Variants in GALNT13 observed in about 807,000 individuals in gnomAD.
The protein encoded by GALNT13 is polypeptide N-acetylgalactosaminyltransferase 13.
A neutral mutation model predicts 64.2 loss-of-function variants in GALNT13; 28 were observed. That is an observed-to-expected ratio of 0.44 (90% confidence interval 0.32 to 0.60). GALNT13 has a LOEUF of 0.60. Ranked by LOEUF, GALNT13 falls within the 20% of genes least tolerant of loss-of-function variation. The pLI is 0.05. For synonymous variants in GALNT13, 214 were observed against 224.6 expected (o/e 0.95, Z 0.42); for missense variants, 577 against 669.8 (o/e 0.86, Z 1.53).
the GALNT13 span, among the ~76,000 whole-genome samples, chr2:153,705,137 C>T: frequency 0.066 from 10,045 of 151,982 alleles, 546 homozygotes; most frequent in African/African-American, 0.14. Context: ...GAAACTTGTA[C>T]CATATACATA....
At chr2:153,163,768 C>T in the GALNT13 span, among the ~76,000 whole-genome samples, 301 of 152,220 alleles carry the variant, frequency 2.0e-3, 2 homozygotes, top group African/African-American at 6.9e-3. Flanking sequence ...GCCTGTAATC[C>T]CAGCACTTTG....
chr2:153,249,496 T>G, the GALNT13 span, among the ~76,000 whole-genome samples: 1 of 152,158 alleles, frequency 6.6e-6, no homozygotes, highest in Non-Finnish European at 1.5e-5. Context: ...AAGTTACCAT[T>G]GACTTTCTTC....
At chr2:153,174,423 T>G in the GALNT13 span, among the ~76,000 whole-genome samples, 2 of 152,150 alleles carry the variant, frequency 1.3e-5, no homozygotes, top group South Asian at 2.1e-4. Flanking sequence ...GAGCAAACAG[T>G]TTTCCAGCAA....
the GALNT13 span, among the ~76,000 whole-genome samples, chr2:153,598,433 C>T: frequency 6.6e-6 from 1 of 152,008 alleles, no homozygotes; most frequent in East Asian, 1.9e-4. Context: ...CTTCAATTAT[C>T]ATCCTATCTA....
At chr2:153,295,364 T>C in the GALNT13 span, among the ~76,000 whole-genome samples, 6 of 152,246 alleles carry the variant, frequency 3.9e-5, no homozygotes, top group East Asian at 5.8e-4. Flanking sequence ...GCCTAAGAGA[T>C]GTTAAATCGT....
At chr2:153,263,267 C>T in the GALNT13 span, among the ~76,000 whole-genome samples, 1 of 151,986 alleles carries the variant, frequency 6.6e-6, no homozygotes, top group Admixed American at 6.6e-5. Flanking sequence ...TCAAGGAGAA[C>T]TACAAACCCT....
the GALNT13 span, among the ~76,000 whole-genome samples, chr2:153,789,625 T>A: frequency 6.6e-6 from 1 of 151,930 alleles, no homozygotes; most frequent in African/African-American, 2.4e-5. Context: ...CACAAAAGTG[T>A]ATTAAAAAAT....
At chr2:153,389,291 A>G in the GALNT13 span, among the ~76,000 whole-genome samples, 1 of 152,084 alleles carries the variant, frequency 6.6e-6, no homozygotes, top group South Asian at 2.1e-4. Flanking sequence ...TTGAATTTGA[A>G]TACGCTCATC....
the GALNT13 span, among the ~76,000 whole-genome samples, chr2:153,118,147 C>CACACACACACACACACACA: frequency 2.9e-4 from 41 of 140,262 alleles, no homozygotes; most frequent in African/African-American, 1.0e-3. Flanking sequence ...ACACACACAC[C>CACACACACACACACACACA]CCACATAAAC....
At chr2:153,977,357 A>G (rs574629765) in intron 3 of GALNT13, among the ~76,000 whole-genome samples, 2 of 152,302 alleles carry the variant, frequency 1.3e-5, no homozygotes, top group East Asian at 3.9e-4. Flanking sequence ...ATTGACTCAC[A>G]GTTCCTCAAG....
intron 8 of GALNT13, among the ~76,000 whole-genome samples, chr2:154,298,720 T>TG (rs1559076049): frequency 6.8e-5 from 6 of 88,074 alleles, no homozygotes; most frequent in African/African-American, 2.5e-4. Flanking sequence ...TATATATAAA[T>TG]TATATTATTT....
chr2:154,036,239 T>C (rs1174192823), intron 3 of GALNT13, among the ~76,000 whole-genome samples: 1 of 152,152 alleles, frequency 6.6e-6, no homozygotes, highest in Non-Finnish European at 1.5e-5. Flanking sequence ...TTTCAAATTA[T>C]ATTTGCTTCA....
chr2:154,220,637 C>G lies in GALNT13; in HGVS notation c.312-21393C>G, dbSNP rs75991019. On this transcript the variant is annotated intron_variant, in intron 4 of 12. Coordinates refer to ENST00000392825, the MANE Select transcript of GALNT13 (RefSeq NM_052917.4). ...GGATAGAAGCTGTTAAAATCTTGAT[C>G]TTGTACAAATTTTTTTTATCATGGG... 6.0e-3 allele frequency among the ~76,000 whole-genome samples: 912 copies of G among 152,074 alleles called. 11 individuals are homozygous for G. The highest frequency in any genetic ancestry group is 7.0e-3 in the Non-Finnish European group (473 of 67,924).
chr2:153,099,439 G>T, the GALNT13 span, among the ~76,000 whole-genome samples: 1 of 152,154 alleles, frequency 6.6e-6, no homozygotes, highest in Non-Finnish European at 1.5e-5. Flanking sequence ...TTATGGAAAA[G>T]TACAATATTG....
At chr2:154,388,575 A>T (rs1698625583) in intron 9 of GALNT13, among the ~76,000 whole-genome samples, 1 of 152,226 alleles carries the variant, frequency 6.6e-6, no homozygotes, top group Non-Finnish European at 1.5e-5. Flanking sequence ...GGTATAAGAT[A>T]AGAATAAGAT....
intron 8 of GALNT13, among the ~76,000 whole-genome samples, chr2:154,275,416 G>C (rs952029293): frequency 6.6e-6 from 1 of 152,198 alleles, no homozygotes; most frequent in Non-Finnish European, 1.5e-5. Context: ...CTGCATCCCA[G>C]ATGCTCTAGC....
At chr2:153,759,494 T>C in the GALNT13 span, among the ~76,000 whole-genome samples, 1 of 152,112 alleles carries the variant, frequency 6.6e-6, no homozygotes, top group Non-Finnish European at 1.5e-5. Flanking sequence ...AGCTAATCCA[T>C]TGGGAGATTT....
the GALNT13 span, among the ~76,000 whole-genome samples, chr2:153,203,317 C>T: frequency 1.3e-5 from 2 of 152,112 alleles, no homozygotes; most frequent in Admixed American, 6.5e-5. Context: ...TGCATTTTTC[C>T]CCTAATTTTC....
At chr2:153,642,536 C>A in the GALNT13 span, among the ~76,000 whole-genome samples, 185 of 151,844 alleles carry the variant, frequency 1.2e-3, no homozygotes, top group Non-Finnish European at 1.7e-3. Flanking sequence ...AAAAGAAATT[C>A]TAAAATGGTG....
Sources: gnomAD v4.1 joint callset for allele counts (sites outside exome capture counted in the v4.1 genomes callset) on GRCh38, gnomAD v4.1.1 for gene constraint, MANE v1.5 for transcripts, NCBI Gene and HGNC (gene_info 2026-07-23, HGNC 2026-07-21) for gene names.